The following FOXP2 variants were observed in gnomAD, a reference collection of about 807,000 sequenced individuals.
FOXP2 encodes the protein forkhead box P2.
FOXP2 carries 12 observed loss-of-function variants against 115.8 expected under a neutral mutation model. The observed-to-expected ratio is 0.10, with a 90% CI of 0.07 to 0.17. FOXP2 has a LOEUF of 0.17. FOXP2 is among the 10% of genes least tolerant of loss of function. The pLI is 1.00. For synonymous variants in FOXP2, 328 were observed against 297.7 expected, an observed-to-expected ratio of 1.10 and a Z score of -1.05; for missense variants, 629 against 843.5, an observed-to-expected ratio of 0.75 and a Z score of 3.15.
intron 16 of FOXP2, among the ~76,000 whole-genome samples, chr7:114,674,071 A>G (rs537184231): frequency 6.6e-6 from 1 of 152,324 alleles, no homozygotes; most frequent in African/African-American, 2.4e-5. Flanking sequence ...GTTGTAAGAC[A>G]TAATTATAAG....
chr7:114,630,075 G>A, intron 5 of FOXP2, 70 bp downstream of exon 5: 1 of 1,600,156 alleles, frequency 6.2e-7, no homozygotes, highest in Non-Finnish European at 8.5e-7. Context: ...GGCAAGAATA[G>A]TCTTAGATCT....
At chr7:114,648,019 T>G (rs1342472084) in intron 8 of FOXP2, among the ~76,000 whole-genome samples, 1 of 152,008 alleles carries the variant, frequency 6.6e-6, no homozygotes, top group Admixed American at 6.6e-5. Flanking sequence ...TGAGTTAAAT[T>G]TATTACAGAC....
At chr7:114,519,582 C>G (rs892028866) in intron 2 of FOXP2, among the ~76,000 whole-genome samples, 1 of 152,104 alleles carries the variant, frequency 6.6e-6, no homozygotes, top group Non-Finnish European at 1.5e-5. Context: ...TATTGTTCCA[C>G]TCTGGTGAGT....
intron 2 of FOXP2, among the ~76,000 whole-genome samples, chr7:114,467,437 G>A (rs1055322782): frequency 6.6e-6 from 1 of 152,134 alleles, no homozygotes; most frequent in East Asian, 1.9e-4. Context: ...AGCATCGGAA[G>A]GAAAGAAAAG....
chr7:114,471,007 T>C (rs1796019891), intron 2 of FOXP2, among the ~76,000 whole-genome samples: 2 of 152,192 alleles, frequency 1.3e-5, no homozygotes, highest in Admixed American at 1.3e-4. Context: ...AGCTTTCCCT[T>C]GTTCTCTGTA....
At chr7:114,094,370 C>T (rs984726709) in intron 1 of FOXP2, among the ~76,000 whole-genome samples, 1 of 152,214 alleles carries the variant, frequency 6.6e-6, no homozygotes, top group Non-Finnish European at 1.5e-5. Flanking sequence ...AGATCTCCCT[C>T]TCACATACTT....
intron 1 of FOXP2, among the ~76,000 whole-genome samples, chr7:114,217,496 CT>C (rs893045688): frequency 2.3e-4 from 35 of 149,876 alleles, no homozygotes; most frequent in African/African-American, 5.6e-4. Flanking sequence ...TCATGAGACA[CT>C]TTTTTTTTTC....
chr7:114,554,229 A>T (rs1389808043), intron 3 of FOXP2, among the ~76,000 whole-genome samples: 1 of 152,118 alleles, frequency 6.6e-6, no homozygotes, highest in Admixed American at 6.5e-5. Flanking sequence ...TGTTTGGAAC[A>T]TCCAAATGCC....
chr7:114,196,320 A>T (rs1202427228), intron 1 of FOXP2, among the ~76,000 whole-genome samples: 1 of 152,132 alleles, frequency 6.6e-6, no homozygotes, highest in Non-Finnish European at 1.5e-5. Context: ...TAAAAATTTT[A>T]AAAGGACCTT....
chr7:114,507,206 C>T (rs557459579), intron 2 of FOXP2, among the ~76,000 whole-genome samples: 2 of 151,644 alleles, frequency 1.3e-5, no homozygotes, highest in Non-Finnish European at 3.0e-5. Context: ...ACTAAGAAGC[C>T]GTGTATCTAA....
At chr7:114,342,722 T>C (rs1791247412) in intron 2 of FOXP2, among the ~76,000 whole-genome samples, 1 of 151,492 alleles carries the variant, frequency 6.6e-6, no homozygotes, top group South Asian at 2.1e-4. Context: ...CAGTCTTCTG[T>C]CTTTAACTAT....
At chr7:114,090,197 T>C (rs1456121483) in intron 1 of FOXP2, among the ~76,000 whole-genome samples, 1 of 151,938 alleles carries the variant, frequency 6.6e-6, no homozygotes, top group Non-Finnish European at 1.5e-5. Context: ...AAGAAGAGAA[T>C]GAGATTGAGC....
intron 2 of FOXP2, among the ~76,000 whole-genome samples, chr7:114,319,248 C>T (rs1367828701): frequency 6.6e-6 from 1 of 152,142 alleles, no homozygotes; most frequent in Non-Finnish European, 1.5e-5. Context: ...GCTGTTTATA[C>T]CTGCCTGACC....
intron 2 of FOXP2, among the ~76,000 whole-genome samples, chr7:114,455,248 C>T (rs1216840888): frequency 6.6e-6 from 1 of 152,152 alleles, no homozygotes; most frequent in Admixed American, 6.5e-5. Context: ...CAATTTATAG[C>T]AAAAACATCC....
In FOXP2 at chr7:114,683,662, G is replaced by C. The variant is rs144534700; in HGVS notation, c.2004-6120G>C. On this transcript the variant is annotated intron_variant, in intron 16 of 16. Transcript: ENST00000350908. The stretch of plus-strand genomic sequence containing the variant: ...TGAGTTGATCCTTAAGTGGTAGACA[G>C]GATGTGTGTGAATAGGCAGAACAGG... Among the ~76,000 whole-genome samples, 886 of 152,302 alleles carry C rather than the reference G, an allele frequency of 5.8e-3. 11 individuals are homozygous for C. The highest frequency in any genetic ancestry group is 0.02 in the African/African-American group (838 of 41,570).
At chr7:114,092,884 A>G (rs936217802) in intron 1 of FOXP2, among the ~76,000 whole-genome samples, 2 of 152,104 alleles carry the variant, frequency 1.3e-5, no homozygotes, top group Non-Finnish European at 1.5e-5. Context: ...CTAAATGGCA[A>G]CAAAAAATGA....
chr7:114,344,633 A>G (rs1227116083), intron 2 of FOXP2, among the ~76,000 whole-genome samples: 2 of 151,838 alleles, frequency 1.3e-5, no homozygotes, highest in Non-Finnish European at 1.5e-5. Flanking sequence ...CCGTAGACAT[A>G]TTTTCTTAAG....
intron 1 of FOXP2, among the ~76,000 whole-genome samples, chr7:114,257,120 G>T (rs919513459): frequency 3.3e-5 from 5 of 152,156 alleles, no homozygotes; most frequent in African/African-American, 1.2e-4. Context: ...GAAGAGAATA[G>T]AGAACTCAGA....
rs1183652390 is a variant in FOXP2 at position 114,631,707 on chromosome 7, TAC to T, written c.775+4_775+5del. 1 of 1,613,806 alleles carries T rather than the reference TAC, an allele frequency of 6.2e-7. No individual in the cohort carries two copies. Among genetic ancestry groups the T allele is most frequent in the African/African-American group, 1.3e-5 (1 of 74,936 alleles). On this transcript the variant is annotated splice_donor_region_variant and intron_variant, in intron 6 of 16. Transcript: ENST00000350908. ...TTCCTGTCCAATCGCTGCCTCAAGGTACATACAAAATGTTGTGCACTCTTCAT... is the reference window on the plus strand; with the variant it reads ...TTCCTGTCCAATCGCTGCCTCAAGGTATACAAAATGTTGTGCACTCTTCAT...
Sources: gnomAD v4.1 joint callset for allele counts (sites outside exome capture counted in the v4.1 genomes callset) on GRCh38, gnomAD v4.1.1 for gene constraint, MANE v1.5 for transcripts, NCBI Gene and HGNC (gene_info 2026-07-23, HGNC 2026-07-21) for gene names.